CCDC6: variants seen among roughly 807,000 people sequenced by gnomAD.
CCDC6 encodes coiled-coil domain-containing protein 6.
CCDC6 carries 20 observed loss-of-function variants against 56.6 expected under a neutral mutation model. The ratio of observed to expected loss-of-function variants is 0.35; its 90% confidence interval spans 0.25 to 0.51. The LOEUF (loss-of-function observed/expected upper bound fraction) is 0.51, where lower values mean the gene tolerates loss of function less well. Ranked by LOEUF, CCDC6 falls within the 20% of genes least tolerant of loss-of-function variation. The probability of loss-of-function intolerance (pLI) is 0.95; values close to 1 mark genes in which losing one functional copy is unlikely to be tolerated. For missense variants in CCDC6, 367 were observed against 601.1 expected, an observed-to-expected ratio of 0.61 and a Z score of 4.07; for synonymous variants, 241 against 234.4, an observed-to-expected ratio of 1.03 and a Z score of -0.26.
chr10:59,797,649 C>CATG (rs1398303879), intron 7 of CCDC6, among the ~76,000 whole-genome samples: 1 of 115,408 alleles, frequency 8.7e-6, no homozygotes, highest in Non-Finnish European at 1.6e-5. Flanking sequence ...AGAGTGTGGG[C>CATG]ATGAGTGAGT....
At chr10:59,802,834 T>C (rs973894207) in intron 7 of CCDC6, among the ~76,000 whole-genome samples, 3 of 152,250 alleles carry the variant, frequency 2.0e-5, no homozygotes, top group Non-Finnish European at 2.9e-5. Flanking sequence ...TTCTCAATGA[T>C]TGCAACAATC....
chr10:59,861,520 T>A (rs1302175898), intron 1 of CCDC6, among the ~76,000 whole-genome samples: 1 of 150,070 alleles, frequency 6.7e-6, no homozygotes, highest in Non-Finnish European at 1.5e-5. Flanking sequence ...GACCTAAATG[T>A]AGGAATTATC....
At chr10:59,902,025 A>G (rs1194325296) in intron 1 of CCDC6, among the ~76,000 whole-genome samples, 1 of 152,216 alleles carries the variant, frequency 6.6e-6, no homozygotes, top group Non-Finnish European at 1.5e-5. Flanking sequence ...AATCACTCAA[A>G]ATATTCTATT....
chr10:59,846,703 C>A (rs1344267812), intron 2 of CCDC6, among the ~76,000 whole-genome samples: 1 of 152,134 alleles, frequency 6.6e-6, no homozygotes, highest in African/African-American at 2.4e-5. Flanking sequence ...TACCGTACTA[C>A]AAATCTATTG....
chr10:59,804,660 T>C (rs2070605391), intron 6 of CCDC6, 140 bp from the exon 7 acceptor site: 3 of 623,722 alleles, frequency 4.8e-6, no homozygotes, highest in Non-Finnish European at 8.7e-6. Flanking sequence ...TTAAAAGGCA[T>C]TTATAAAATG....
intron 1 of CCDC6, among the ~76,000 whole-genome samples, chr10:59,899,983 G>C (rs1230635918): frequency 6.6e-6 from 1 of 152,176 alleles, no homozygotes; most frequent in Non-Finnish European, 1.5e-5. Context: ...CAGGGGAGTG[G>C]CTCTATGAAG....
chr10:59,835,634 C>A (rs2070876000), intron 2 of CCDC6, among the ~76,000 whole-genome samples: 1 of 152,170 alleles, frequency 6.6e-6, no homozygotes, highest in Non-Finnish European at 1.5e-5. Flanking sequence ...AGTGCTAAAA[C>A]AAACAGTTCT....
chr10:59,817,036 G>A (rs761474741), intron 3 of CCDC6, among the ~76,000 whole-genome samples: 1 of 152,176 alleles, frequency 6.6e-6, no homozygotes, highest in African/African-American at 2.4e-5. Context: ...CCCCACTAAC[G>A]TGCAAATGCT....
At chr10:59,793,206 C>T in intron 8 of CCDC6, 95 bp from the exon 9 acceptor site, 1 of 913,958 alleles carries the variant, frequency 1.1e-6, no homozygotes, top group African/African-American at 1.7e-5. Context: ...TAATCAAACA[C>T]TAACCAACAA....
rs1469603877 is a variant in CCDC6 at position 59,790,251 on chromosome 10, G to C, written c.*2666C>G. On this transcript the variant is annotated 3_prime_UTR_variant, in exon 9 of 9. Coordinates refer to ENST00000263102, the MANE Select transcript of CCDC6 (RefSeq NM_005436.5). ...GCCAAGGGTCTCTGTCTGCAAGACA[G>C]GAAAATGAAGCTACTGAAGCCCCTG... 9.2e-6 allele frequency: 2 copies of C among 218,288 alleles called. No individual in the cohort carries two copies. Among genetic ancestry groups the C allele is most frequent in the Admixed American group, 5.8e-5 (1 of 17,196 alleles). The allele number at this position is 218,288 out of a possible 1,614,324, so 13.5% of individuals were successfully genotyped here. A position where few individuals can be genotyped will look rare whatever the true frequency, so the allele number is the denominator to read the frequency against.
chr10:59,886,005 C>A (rs1461880792), intron 1 of CCDC6, among the ~76,000 whole-genome samples: 1 of 144,924 alleles, frequency 6.9e-6, no homozygotes. Flanking sequence ...GCCTTATATA[C>A]AGAATAACCT....
At chr10:59,870,065 T>C (rs1621496) in intron 1 of CCDC6, among the ~76,000 whole-genome samples, 77,564 of 151,974 alleles carry the variant, frequency 0.51, 20,530 homozygotes, top group East Asian at 0.73. Flanking sequence ...CCATCGAGGA[T>C]GTATCTTGCC....
At chr10:59,905,957 G>A (rs1253152038) in intron 1 of CCDC6, among the ~76,000 whole-genome samples, 165 bp downstream of exon 1, 1 of 152,142 alleles carries the variant, frequency 6.6e-6, no homozygotes, top group Non-Finnish European at 1.5e-5. Flanking sequence ...GCCCCGAAGG[G>A]ATACCTCCCT....
intron 1 of CCDC6, among the ~76,000 whole-genome samples, chr10:59,898,761 T>G (rs1020147558): frequency 6.6e-6 from 1 of 152,230 alleles, no homozygotes; most frequent in African/African-American, 2.4e-5. Context: ...TGAGGCTATA[T>G]TTATTTTATT....
At chr10:59,890,157 T>C (rs1416269819) in intron 1 of CCDC6, among the ~76,000 whole-genome samples, 1 of 152,112 alleles carries the variant, frequency 6.6e-6, no homozygotes, top group East Asian at 1.9e-4. Flanking sequence ...ATAGGCCCAG[T>C]TCTCCCAGTA....
intron 1 of CCDC6, among the ~76,000 whole-genome samples, chr10:59,875,418 C>T (rs2071270246): frequency 6.6e-6 from 1 of 152,116 alleles, no homozygotes; most frequent in African/African-American, 2.4e-5. Context: ...TCTTTCTGAA[C>T]ACCAGAGGAA....
At chr10:59,873,109 G>A (rs566692718) in intron 1 of CCDC6, among the ~76,000 whole-genome samples, 1 of 152,184 alleles carries the variant, frequency 6.6e-6, no homozygotes, top group South Asian at 2.1e-4. Context: ...ATCCTCTGGC[G>A]GTGCTACAGT....
At chr10:59,876,591 A>G (rs1231952433) in intron 1 of CCDC6, among the ~76,000 whole-genome samples, 5 of 59,416 alleles carry the variant, frequency 8.4e-5, no homozygotes, top group East Asian at 3.5e-4. Context: ...TTAAGGGGGA[A>G]AAAAAAAAAA....
At chr10:59,835,194 T>C (rs1299388171) in intron 2 of CCDC6, among the ~76,000 whole-genome samples, 1 of 152,236 alleles carries the variant, frequency 6.6e-6, no homozygotes, top group African/African-American at 2.4e-5. Flanking sequence ...CCCTTCTTTT[T>C]TCTCAACATT....
Sources: gnomAD v4.1 joint callset for allele counts (sites outside exome capture counted in the v4.1 genomes callset) on GRCh38, gnomAD v4.1.1 for gene constraint, MANE v1.5 for transcripts, NCBI Gene and HGNC (gene_info 2026-07-23, HGNC 2026-07-21) for gene names.